LHCGR: variants seen among roughly 807,000 people sequenced by gnomAD.
LHCGR encodes lutropin-choriogonadotropic hormone receptor.
Under a neutral mutation model 60.7 loss-of-function variants are expected in LHCGR, and 55 were observed. The ratio of observed to expected loss-of-function variants is 0.91; its 90% CI spans 0.73 to 1.13. The LOEUF is 1.13. LHCGR is among the 50% of genes most tolerant of loss of function. The pLI, the probability that LHCGR is intolerant of heterozygous loss-of-function variation, is 0.00. For missense variants in LHCGR, 862 were observed against 836.0 expected (o/e 1.03, Z -0.38); for synonymous variants, 337 against 316.5 (o/e 1.06, Z -0.69).
intron 9 of LHCGR, among the ~76,000 whole-genome samples, chr2:48,694,557 A>T (rs1667025376): frequency 1.3e-5 from 2 of 152,088 alleles, no homozygotes; most frequent in Non-Finnish European, 2.9e-5. Flanking sequence ...AGATGAAAAA[A>T]CTTAAATTTG....
At chr2:48,703,034 A>AT (rs1203555814) in intron 8 of LHCGR, among the ~76,000 whole-genome samples, 1 of 152,038 alleles carries the variant, frequency 6.6e-6, no homozygotes, top group Non-Finnish European at 1.5e-5. Flanking sequence ...GATGATGAGG[A>AT]TTTTTTCACA....
chr2:48,688,497 G>C lies in LHCGR; in HGVS notation c.1300C>G (p.Gln434Glu), dbSNP rs745913265. ...GCAGTGCTGCACCCACTCCCTGTCT[G>C]CCAGTCTATGGCATGGTTATAGTAC... ...GQYYNHAIDW[Q>E]TGSGCSTAGF... Residue 434 changes from glutamine to glutamate, a missense_variant, in exon 11 of 11, where the codon CAG becomes GAG. Gln to Glu is a conservative substitution (Grantham distance 29, BLOSUM62 2). Transcript: ENST00000294954. The surrounding 1 kb of genome is among the most constrained non-coding windows in gnomAD (Gnocchi z 5.2). 6.2e-7 allele frequency: 1 copy of C among 1,614,196 alleles called. No homozygotes were observed. The highest frequency in any genetic ancestry group is 1.3e-5 in the African/African-American group (1 of 75,042).
intron 1 of LHCGR, among the ~76,000 whole-genome samples, chr2:48,743,429 A>G (rs1162400296): frequency 6.6e-6 from 1 of 152,244 alleles, no homozygotes; most frequent in African/African-American, 2.4e-5. Context: ...ATGAACATTG[A>G]TACAAAAATC....
At chr2:48,727,389 A>G (rs1339159425) in intron 3 of LHCGR, among the ~76,000 whole-genome samples, 7 of 152,238 alleles carry the variant, frequency 4.6e-5, no homozygotes, top group Non-Finnish European at 1.0e-4. Flanking sequence ...TGCTGGGAAT[A>G]CAGCTGTGAA....
At position 48,713,953 on chromosome 2, in the gene LHCGR, A is replaced by G. The variant is rs376329448; in HGVS notation, c.605+33T>C. On this transcript the variant is annotated intron_variant, in intron 7 of 10. Coordinates refer to ENST00000294954, the MANE Select transcript of LHCGR (RefSeq NM_000233.4). ...GTAGCCAGAGTAATATTTCATTTTT[A>G]TTCCTGAGCTGGGGAAATAAGCAAA... The G allele has an allele frequency of 2.0e-5, 29 of 1,483,340 alleles. No individual in the cohort carries two copies. The African/African-American group carries it at 3.7e-4, about 19-fold the overall frequency. The allele number at this position is 1,483,340 out of a possible 1,614,324, so 91.9% of individuals were successfully genotyped here. A position where few individuals can be genotyped will look rare whatever the true frequency, so the allele number is the denominator to read the frequency against.
intron 1 of LHCGR, chr2:48,733,013 T>C: frequency 1.9e-6 from 1 of 528,252 alleles, no homozygotes; most frequent in South Asian, 1.4e-5. Context: ...ATATTTCTTC[T>C]GGAATCATGT....
At chr2:48,735,203 T>C (rs976170483) in intron 1 of LHCGR, among the ~76,000 whole-genome samples, 5 of 152,304 alleles carry the variant, frequency 3.3e-5, no homozygotes, top group African/African-American at 1.2e-4. Flanking sequence ...ACCCTTCTAG[T>C]TGTGTGTTAA....
Position 48,687,731 on chromosome 2 carries a change from G to C in LHCGR, c.2066C>G (p.Ala689Gly), listed in dbSNP as rs752989860. ...TGTGTAGCGAGTCTTGTCTAGGAGA[G>C]CTGTACCTTGACAGTGCAATGTGGA... The part of the protein sequence containing the change: ...KLSTLHCQGT[A>G]LLDKTRYTEC The change falls in exon 11 of 11, where the codon GCT (alanine) becomes GGT (glycine). Residue 689 changes from alanine to glycine, a missense_variant. Ala to Gly is a moderately conservative substitution (Grantham distance 60). Coordinates refer to ENST00000294954, the MANE Select transcript of LHCGR (RefSeq NM_000233.4). 5 of 1,613,798 alleles carry C rather than the reference G, an allele frequency of 3.1e-6. No homozygotes were observed. Among genetic ancestry groups the C allele is most frequent in the Non-Finnish European group, 4.2e-6 (5 of 1,179,842 alleles).
chr2:48,725,114 A>G (rs1304980160), intron 4 of LHCGR, among the ~76,000 whole-genome samples: 3 of 152,354 alleles, frequency 2.0e-5, no homozygotes, highest in East Asian at 3.9e-4. Flanking sequence ...GTGGCAGGCT[A>G]CAGTGGTACT....
chr2:48,720,444 T>A (rs1194357645), intron 6 of LHCGR: 1 of 152,220 alleles, frequency 6.6e-6, no homozygotes, highest in Admixed American at 6.5e-5. Context: ...GAGTCATGGA[T>A]ATTTGTGATC....
intron 3 of LHCGR, 63 bp from the exon 4 acceptor site, chr2:48,725,813 G>T: frequency 7.6e-7 from 1 of 1,313,738 alleles, no homozygotes; most frequent in South Asian, 1.2e-5. Flanking sequence ...TGAAATGTGT[G>T]AGATCATGGT....
intron 8 of LHCGR, among the ~76,000 whole-genome samples, chr2:48,699,370 C>T (rs1019388054): frequency 6.6e-6 from 1 of 152,186 alleles, no homozygotes; most frequent in Non-Finnish European, 1.5e-5. Context: ...TCTCTCCCCT[C>T]TTCCAACTCC....
Position 48,704,885 on chromosome 2 carries a change from C to G in LHCGR, c.680+4063G>C, listed in dbSNP as rs544519733. Among the ~76,000 whole-genome samples, 145 of 152,242 alleles carry G rather than the reference C, an allele frequency of 9.5e-4. 1 individual carries two copies. The highest frequency in any genetic ancestry group is 2.9e-3 in the Admixed American group (45 of 15,284). The stretch of plus-strand genomic sequence containing the variant: ...TTTGAAGGGTTTTTTGTCTCTCTAT[C>G]TCCTTCAGTTCTGCTCTGATCCTAG... On this transcript the variant is annotated intron_variant, in intron 8 of 10. Coordinates refer to ENST00000294954, the MANE Select transcript of LHCGR (RefSeq NM_000233.4).
At chr2:48,728,078 A>G (rs1226535804) in intron 3 of LHCGR, among the ~76,000 whole-genome samples, 1 of 120,458 alleles carries the variant, frequency 8.3e-6, no homozygotes, top group Non-Finnish European at 1.7e-5. Flanking sequence ...CTTTCTTAAA[A>G]CATTATGAGT....
At chr2:48,749,195 C>G (rs1434875301) in intron 1 of LHCGR, among the ~76,000 whole-genome samples, 1 of 152,194 alleles carries the variant, frequency 6.6e-6, no homozygotes, top group African/African-American at 2.4e-5. Context: ...TAGAGAGCAG[C>G]TGTGAGTGGT....
intron 1 of LHCGR, among the ~76,000 whole-genome samples, chr2:48,745,938 A>G (rs1305207128): frequency 6.6e-6 from 1 of 152,124 alleles, no homozygotes; most frequent in African/African-American, 2.4e-5. Context: ...TTTCATCACC[A>G]GTGGCACTTG....
At chr2:48,690,420 T>C (rs901389130) in intron 10 of LHCGR, among the ~76,000 whole-genome samples, 1 of 152,206 alleles carries the variant, frequency 6.6e-6, no homozygotes, top group Non-Finnish European at 1.5e-5. Flanking sequence ...GTAGGGATAA[T>C]AATCATACCT....
At chr2:48,734,724 C>A (rs1324102460) in intron 1 of LHCGR, among the ~76,000 whole-genome samples, 1 of 152,126 alleles carries the variant, frequency 6.6e-6, no homozygotes, top group Non-Finnish European at 1.5e-5. Flanking sequence ...GGCAAAAATG[C>A]CTAAGGCAAG....
chr2:48,751,428 T>G (rs912980948), intron 1 of LHCGR, among the ~76,000 whole-genome samples: 8 of 152,204 alleles, frequency 5.3e-5, no homozygotes, highest in African/African-American at 1.9e-4. Flanking sequence ...CCAGGACCCC[T>G]CTTTCCTTCT....
Sources: allele counts gnomAD v4.1 joint callset (sites outside exome capture counted in the v4.1 genomes callset), GRCh38; gene constraint gnomAD v4.1.1; non-coding constraint Gnocchi (gnomAD v3.1); transcripts MANE v1.5; gene names NCBI Gene and HGNC (gene_info 2026-07-23, HGNC 2026-07-21).